The following ADGRB3 variants were observed in gnomAD, a reference collection of about 807,000 sequenced individuals.
ADGRB3 encodes adhesion G protein-coupled receptor B3.
A neutral mutation model predicts 193.4 loss-of-function variants in ADGRB3; 37 were observed. The observed-to-expected ratio is 0.19, with a 90% confidence interval of 0.15 to 0.25. The LOEUF is 0.25. ADGRB3 is among the 10% of genes least tolerant of loss of function. The probability of loss-of-function intolerance (pLI) is 1.00; values close to 1 mark genes in which losing one functional copy is unlikely to be tolerated. For synonymous variants in ADGRB3, 690 were observed against 644.2 expected (o/e 1.07, Z -1.08); for missense variants, 1,637 against 1,852.9 (o/e 0.88, Z 2.14).
chr6:69,024,103 A>C (rs1770352882), intron 13 of ADGRB3, among the ~76,000 whole-genome samples: 1 of 152,160 alleles, frequency 6.6e-6, no homozygotes. Context: ...TTTTTCAATT[A>C]TCAATACAAT....
chr6:69,092,063 A>G (rs1241777527), intron 17 of ADGRB3, among the ~76,000 whole-genome samples: 1 of 152,140 alleles, frequency 6.6e-6, no homozygotes, highest in African/African-American at 2.4e-5. Flanking sequence ...CAACAGTTAA[A>G]CCTTTTCTCT....
chr6:69,114,888 C>T lies in ADGRB3; in HGVS notation c.2480+38850C>T, dbSNP rs1338448427. ...ATTAGAGAAATGCAAATCAAAACCA[C>T]AATGAGATACCATCTCACACCAGTT... On this transcript the variant is annotated intron_variant, in intron 17 of 31. Transcript: ENST00000370598. 2.0e-5 allele frequency among the ~76,000 whole-genome samples: 3 copies of T among 152,154 alleles called. No homozygotes were observed. The East Asian group carries it at 5.8e-4, about 29-fold the overall frequency.
intron 17 of ADGRB3, among the ~76,000 whole-genome samples, chr6:69,159,950 A>G (rs1369748410): frequency 6.6e-6 from 1 of 152,102 alleles, no homozygotes; most frequent in African/African-American, 2.4e-5. Context: ...GTTTTCTTTC[A>G]CACTCCATGT....
Position 68,686,994 on chromosome 6 carries a change from A to G in ADGRB3, c.757+47562A>G, listed in dbSNP as rs541389840. 1.1e-4 allele frequency among the ~76,000 whole-genome samples: 16 copies of G among 152,266 alleles called. No individual in the cohort carries two copies. In the South Asian group the frequency reaches 3.3e-3, roughly 32 times the overall value. On this transcript the variant is annotated intron_variant, in intron 3 of 31. Coordinates refer to ENST00000370598, the MANE Select transcript of ADGRB3 (RefSeq NM_001704.3). Reference sequence around the variant, plus strand: ...AAAATATGCTTTTTGAAAAACGTGCATTCAGTGACTTTAAGTAGTTTTGGG... The same window carrying G: ...AAAATATGCTTTTTGAAAAACGTGCGTTCAGTGACTTTAAGTAGTTTTGGG...
chr6:68,779,099 A>G (rs983474625), intron 3 of ADGRB3, among the ~76,000 whole-genome samples: 1 of 151,958 alleles, frequency 6.6e-6, no homozygotes, highest in Non-Finnish European at 1.5e-5. Context: ...ATACACGTAC[A>G]TATTACGTGT....
intron 20 of ADGRB3, among the ~76,000 whole-genome samples, chr6:69,255,679 T>A (rs1167393808): frequency 1.3e-5 from 2 of 152,204 alleles, no homozygotes; most frequent in African/African-American, 4.8e-5. Context: ...GGTAGTTTCT[T>A]TTGCTGTGCA....
chr6:68,874,338 C>T (rs754108747), intron 3 of ADGRB3, among the ~76,000 whole-genome samples: 5 of 152,026 alleles, frequency 3.3e-5, no homozygotes, highest in Non-Finnish European at 7.4e-5. Flanking sequence ...CCTCAAGTAT[C>T]TAGGCTTGAC....
intron 3 of ADGRB3, among the ~76,000 whole-genome samples, chr6:68,773,836 T>C (rs1005215312): frequency 6.6e-6 from 1 of 151,926 alleles, no homozygotes; most frequent in African/African-American, 2.4e-5. Flanking sequence ...GAGACTTAGA[T>C]GTAAGATAGA....
chr6:69,105,955 T>C (rs1231046509), intron 17 of ADGRB3, among the ~76,000 whole-genome samples: 3 of 151,778 alleles, frequency 2.0e-5, no homozygotes, highest in Non-Finnish European at 4.4e-5. Flanking sequence ...GCCAACATGG[T>C]GAAAGCTTAT....
At chr6:69,275,979 T>C (rs997354399) in intron 20 of ADGRB3, among the ~76,000 whole-genome samples, 4 of 152,192 alleles carry the variant, frequency 2.6e-5, no homozygotes, top group Non-Finnish European at 4.4e-5. Context: ...CTCTTTTCCT[T>C]TAATTGCTGC....
Position 68,920,783 on chromosome 6 carries a change from A to G in ADGRB3, c.758-9776A>G, listed in dbSNP as rs544343448. On this transcript the variant is annotated intron_variant, in intron 3 of 31. Coordinates refer to ENST00000370598, the MANE Select transcript of ADGRB3 (RefSeq NM_001704.3). ...TAAATGAATCCAAAAAAGAAGACAA[A>G]TGAAGAAACTAAAAAAAAATCTAAT... Among the ~76,000 whole-genome samples, 41 of 151,790 alleles carry G rather than the reference A, an allele frequency of 2.7e-4. No individual in the cohort carries two copies. In the South Asian group the frequency reaches 8.5e-3, roughly 31 times the overall value.
chr6:69,074,194 G>T (rs1339445750), intron 16 of ADGRB3, among the ~76,000 whole-genome samples: 4 of 152,036 alleles, frequency 2.6e-5, no homozygotes, highest in Admixed American at 2.0e-4. Flanking sequence ...TGGCCTTTCA[G>T]GGAATTTTTA....
intron 3 of ADGRB3, among the ~76,000 whole-genome samples, chr6:68,903,096 C>T (rs550273972): frequency 1.3e-5 from 2 of 152,116 alleles, no homozygotes; most frequent in Admixed American, 6.6e-5. Context: ...ATGATTTACA[C>T]TTTTGACTTG....
At chr6:68,776,381 C>G (rs1185239611) in intron 3 of ADGRB3, among the ~76,000 whole-genome samples, 2 of 152,124 alleles carry the variant, frequency 1.3e-5, no homozygotes, top group Non-Finnish European at 2.9e-5. Context: ...GTTTCATATG[C>G]CTTGTGGCTG....
intron 20 of ADGRB3, among the ~76,000 whole-genome samples, chr6:69,297,368 T>TTC (rs70987459): frequency 0.024 from 2,370 of 97,680 alleles, 90 homozygotes; most frequent in African/African-American, 0.087. Context: ...CTCTCTCTCT[T>TTC]TCTCTCTCTC....
chr6:69,243,902 T>C (rs1321977), intron 20 of ADGRB3, among the ~76,000 whole-genome samples: 22,104 of 152,028 alleles, frequency 0.15, 1,666 homozygotes, highest in Middle Eastern at 0.16. Flanking sequence ...AAATAAATTG[T>C]AGATATTATA....
chr6:69,154,028 G>T (rs970674448), intron 17 of ADGRB3, among the ~76,000 whole-genome samples: 1 of 152,088 alleles, frequency 6.6e-6, no homozygotes, highest in African/African-American at 2.4e-5. Flanking sequence ...AGTGGAACTT[G>T]CATAATTTTA....
chr6:69,021,650 C>T (rs536458312), intron 13 of ADGRB3, among the ~76,000 whole-genome samples: 8 of 151,796 alleles, frequency 5.3e-5, no homozygotes, highest in South Asian at 4.1e-4. Context: ...AGACTTAGGA[C>T]GATAATTTAT....
intron 3 of ADGRB3, among the ~76,000 whole-genome samples, chr6:68,839,188 G>A (rs1312364283): frequency 6.6e-6 from 1 of 152,054 alleles, no homozygotes; most frequent in African/African-American, 2.4e-5. Context: ...CTCATTGTGA[G>A]CTGCTATAGA....
Sources: gnomAD v4.1 joint callset for allele counts (sites outside exome capture counted in the v4.1 genomes callset) on GRCh38, gnomAD v4.1.1 for gene constraint, MANE v1.5 for transcripts, NCBI Gene and HGNC (gene_info 2026-07-23, HGNC 2026-07-21) for gene names.